PCDHGA6: variants seen among roughly 807,000 people sequenced by gnomAD.
The protein encoded by PCDHGA6 is protocadherin gamma subfamily A, 6, also known as protocadherin gamma-A6.
A neutral mutation model predicts 60.6 loss-of-function variants in PCDHGA6; 41 were observed. That is an observed-to-expected ratio of 0.68 (90% confidence interval 0.53 to 0.88). The LOEUF is 0.88. Ranked by LOEUF, PCDHGA6 falls within the 40% of genes least tolerant of loss-of-function variation. The pLI, the probability that PCDHGA6 is intolerant of heterozygous loss-of-function variation, is 0.00. For synonymous variants in PCDHGA6, 594 were observed against 524.4 expected (o/e 1.13, Z -1.81); for missense variants, 1,312 against 1,203.0 (o/e 1.09, Z -1.34).
chr5:141,438,545 A>C (rs915206342), intron 1 of PCDHGA6, among the ~76,000 whole-genome samples: 4 of 140,354 alleles, frequency 2.8e-5, no homozygotes, highest in Admixed American at 7.4e-5. Flanking sequence ...TCTATATCTA[A>C]GCCCTAATAA....
At chr5:141,497,849 T>G (rs1337258582) in intron 2 of PCDHGA6, among the ~76,000 whole-genome samples, 1 of 152,192 alleles carries the variant, frequency 6.6e-6, no homozygotes, top group African/African-American at 2.4e-5. Flanking sequence ...ACAAACATTT[T>G]TGATTCAGCG....
rs2233607 is a variant in PCDHGA6 at position 141,490,647 on chromosome 5, G to A, written c.2425-4160G>A. The A allele has an allele frequency of 2.5e-3, 3,973 of 1,614,082 alleles. 41 individuals carry two copies. The African/African-American group carries it at 0.027, about 11-fold the overall frequency. ...CTTACATCCTAGAAAACCGGCCTCC[G>A]GGCTCCCTTCTTTGCACTGTGGCTG... is the stretch of plus-strand genomic sequence containing the variant. On this transcript the variant is annotated intron_variant, in intron 1 of 3. Transcript: ENST00000517434. The surrounding 1 kb of genome is among the most constrained non-coding windows in gnomAD (Gnocchi z 5.4).
intron 1 of PCDHGA6, chr5:141,410,848 T>TA: frequency 1.9e-5 from 7 of 365,918 alleles, no homozygotes; most frequent in Non-Finnish European, 3.2e-5. Context: ...TTTGTCTTTG[T>TA]CTTTTTTTTT....
chr5:141,415,020 C>T, intron 1 of PCDHGA6: 2 of 1,613,560 alleles, frequency 1.2e-6, no homozygotes, highest in Non-Finnish European at 1.7e-6. Context: ...TGCTCAAGGC[C>T]AGCGAGCCGG....
chr5:141,384,739 C>A (rs1484877981), intron 1 of PCDHGA6: 1 of 1,613,938 alleles, frequency 6.2e-7, no homozygotes, highest in African/African-American at 1.3e-5. Context: ...GGCCAGCGAG[C>A]CAGGACTCTT....
At chr5:141,460,817 A>G (rs527681610) in intron 1 of PCDHGA6, among the ~76,000 whole-genome samples, 3 of 152,126 alleles carry the variant, frequency 2.0e-5, no homozygotes, top group South Asian at 2.1e-4. Context: ...ATGTATACAT[A>G]TATACACACT....
In PCDHGA6 at chr5:141,486,336, G is replaced by A. The variant is rs534793835; in HGVS notation, c.2425-8471G>A. 3.8e-5 allele frequency: 61 copies of A among 1,613,992 alleles called. No individual in the cohort carries two copies. In the African/African-American group the frequency reaches 4.3e-4, roughly 11 times the overall value. On this transcript the variant is annotated intron_variant, in intron 1 of 3. Coordinates refer to ENST00000517434, the MANE Select transcript of PCDHGA6 (RefSeq NM_018919.3). The surrounding 1 kb of genome is among the most constrained non-coding windows in gnomAD (Gnocchi z 5.0). The stretch of plus-strand genomic sequence containing the variant: ...GGGTCAAACGGAGATGTGAGCCTCC[G>A]CATTCCTGACCACTTGCCATTTGCC...
chr5:141,465,171 G>T (rs969390966), intron 1 of PCDHGA6, among the ~76,000 whole-genome samples: 1 of 151,728 alleles, frequency 6.6e-6, no homozygotes, highest in Non-Finnish European at 1.5e-5. Flanking sequence ...TGTTTATGAA[G>T]AAATTTAATT....
intron 1 of PCDHGA6, among the ~76,000 whole-genome samples, chr5:141,455,419 G>T (rs1462099602): frequency 6.6e-6 from 1 of 152,124 alleles, no homozygotes; most frequent in Non-Finnish European, 1.5e-5. Flanking sequence ...AGGGAGCGGG[G>T]CTCCAAAAGA....
chr5:141,422,243 T>C, intron 1 of PCDHGA6: 12 of 1,566,082 alleles, frequency 7.7e-6, no homozygotes, highest in Non-Finnish European at 1.0e-5. Flanking sequence ...ATCACTGTTG[T>C]GGATGTGAAT....
At chr5:141,384,990 G>A in intron 1 of PCDHGA6, 1 of 1,614,140 alleles carries the variant, frequency 6.2e-7, no homozygotes, top group Non-Finnish European at 8.5e-7. Context: ...TGGTGGCGGT[G>A]GCCACAGTCT....
rs192747939 is a variant in PCDHGA6 at position 141,487,483 on chromosome 5, T to A, written c.2425-7324T>A. ...TTGTTGATGTGGGAGGCCACTCTCA[T>A]GGCTGTACACCCTTGGCTTCTGCAC... On this transcript the variant is annotated intron_variant, in intron 1 of 3. Transcript: ENST00000517434. This position sits in a 1 kb window ranked among gnomAD's most constrained non-coding sequence, Gnocchi z 5.0. 1 of 1,614,224 alleles carries A rather than the reference T, an allele frequency of 6.2e-7. No individual in the cohort carries two copies. The highest frequency in any genetic ancestry group is 1.1e-5 in the South Asian group (1 of 91,084).
At chr5:141,388,201 T>C (rs780011607) in intron 1 of PCDHGA6, 1 of 1,573,864 alleles carries the variant, frequency 6.4e-7, no homozygotes, top group Non-Finnish European at 8.7e-7. Context: ...GCTCTGGAAT[T>C]TGAGGCTGTT....
At chr5:141,446,642 A>T (rs939365233) in intron 1 of PCDHGA6, among the ~76,000 whole-genome samples, 2 of 151,970 alleles carry the variant, frequency 1.3e-5, no homozygotes, top group Admixed American at 1.3e-4. Flanking sequence ...ACGCCTGGCT[A>T]ATTTTTGTAT....
chr5:141,390,477 C>T (rs2150421205), intron 1 of PCDHGA6: 3 of 678,620 alleles, frequency 4.4e-6, no homozygotes, highest in South Asian at 2.0e-5. Flanking sequence ...TGTGGCCCAA[C>T]ATTTGTTTGT....
chr5:141,476,557 C>T lies in PCDHGA6; in HGVS notation c.2425-18250C>T. On this transcript the variant is annotated intron_variant, in intron 1 of 3. Coordinates refer to ENST00000517434, the MANE Select transcript of PCDHGA6 (RefSeq NM_018919.3). This position sits in a 1 kb window ranked among gnomAD's most constrained non-coding sequence, Gnocchi z 7.6. ...AAATGAAATTGGAGATTAGCGAGGC[C>T]GTGGCTCCGGGGACGCGCTTTCCGC... The T allele has an allele frequency of 1.2e-6, 2 of 1,614,222 alleles. No homozygotes were observed. The highest frequency in any genetic ancestry group is 1.3e-5 in the African/African-American group (1 of 75,060).
chr5:141,419,539 G>A, intron 1 of PCDHGA6: 3 of 1,612,058 alleles, frequency 1.9e-6, no homozygotes, highest in Non-Finnish European at 2.5e-6. Flanking sequence ...ACAACGCACC[G>A]CGGGTGCTGT....
At chr5:141,404,616 A>G (rs940307932) in intron 1 of PCDHGA6, 3 of 1,614,168 alleles carry the variant, frequency 1.9e-6, no homozygotes, top group Non-Finnish European at 2.5e-6. Flanking sequence ...GTTTTGGACC[A>G]GAATGACAAT....
At chr5:141,505,127 A>C (rs926566427) in intron 2 of PCDHGA6, among the ~76,000 whole-genome samples, 1 of 152,158 alleles carries the variant, frequency 6.6e-6, no homozygotes, top group Non-Finnish European at 1.5e-5. Context: ...GCGCCACTGC[A>C]CTCCAGCCTG....
Sources: gnomAD v4.1 joint callset for allele counts (sites outside exome capture counted in the v4.1 genomes callset) on GRCh38, gnomAD v4.1.1 for gene constraint, Gnocchi (gnomAD v3.1) non-coding constraint, MANE v1.5 for transcripts, NCBI Gene and HGNC (gene_info 2026-07-23, HGNC 2026-07-21) for gene names.